NTRK3: variants seen among roughly 807,000 people sequenced by gnomAD.
NTRK3 encodes neurotrophic receptor tyrosine kinase 3.
A neutral mutation model predicts 91.7 loss-of-function variants in NTRK3; 24 were observed. The observed-to-expected ratio is 0.26, with a 90% CI of 0.19 to 0.37. The LOEUF (loss-of-function observed/expected upper bound fraction) is 0.37, where lower values mean the gene tolerates loss of function less well. NTRK3 is among the 10% of genes least tolerant of loss of function. The pLI is 1.00. For missense variants in NTRK3, 880 were observed against 1,068.9 expected, an observed-to-expected ratio of 0.82 and a Z score of 2.46; for synonymous variants, 483 against 404.0, an observed-to-expected ratio of 1.20 and a Z score of -2.34.
Position 88,093,308 on chromosome 15 carries a change from G to T in NTRK3, c.1396+32963C>A, listed in dbSNP as rs114489585. Among the ~76,000 whole-genome samples the T allele has an allele frequency of 2.0e-3, 301 of 152,218 alleles. 1 individual carries two copies. Among genetic ancestry groups the T allele is most frequent in the African/African-American group, 7.1e-3 (296 of 41,548 alleles). On this transcript the variant is annotated intron_variant, in intron 13 of 18. Coordinates refer to ENST00000394480, the Ensembl canonical transcript of NTRK3. ...CTGCAGGGAGTGGGAAAAAAAGGGAGGGGGGAAGGAAGAAAGGAAGGGATG... is the reference window on the plus strand; with the variant it reads ...CTGCAGGGAGTGGGAAAAAAAGGGATGGGGGAAGGAAGAAAGGAAGGGATG...
intron 14 of NTRK3, chr15:87,981,108 G>A (rs2074223535): frequency 6.7e-7 from 1 of 1,483,068 alleles, no homozygotes; most frequent in African/African-American, 1.4e-5. Context: ...TGGGCACCTA[G>A]TCGTACCTCA....
exon 14 of NTRK3, chr15:88,032,904 T>C (rs2142018759): frequency 1.9e-6 from 3 of 1,613,078 alleles, no homozygotes; most frequent in Non-Finnish European, 2.5e-6. Context: ...GTACTGGGGG[T>C]TCTCAATGAC....
intron 3 of NTRK3, among the ~76,000 whole-genome samples, chr15:88,201,871 G>A (rs1378669601): frequency 2.0e-5 from 3 of 152,126 alleles, no homozygotes; most frequent in Admixed American, 2.0e-4. Context: ...ATAAATGCTT[G>A]CATAGGGCAT....
At chr15:88,044,254 C>CTTTTTTTTTTTTTTTTTT (rs1181028004) in intron 13 of NTRK3, among the ~76,000 whole-genome samples, 1 of 78,486 alleles carries the variant, frequency 1.3e-5, no homozygotes. Flanking sequence ...AGTCTATGTT[C>CTTTTTTTTTTTTTTTTTT]TTTTTTTTTT....
At chr15:87,876,179 C>T in exon 19 of NTRK3, 1 of 233,572 alleles carries the variant, frequency 4.3e-6, no homozygotes, top group Non-Finnish European at 8.5e-6. Flanking sequence ...GAAGCTTACA[C>T]CCAGGATGGA....
intron 14 of NTRK3, among the ~76,000 whole-genome samples, chr15:87,953,166 C>T (rs2071318291): frequency 6.6e-6 from 1 of 152,162 alleles, no homozygotes; most frequent in South Asian, 2.1e-4. Flanking sequence ...GAACCTCTCC[C>T]ACCCTACAAT....
intron 13 of NTRK3, among the ~76,000 whole-genome samples, chr15:88,055,970 C>G (rs140956792): frequency 3.3e-5 from 5 of 151,992 alleles, no homozygotes; most frequent in Non-Finnish European, 7.4e-5. Context: ...AAGCCACTGG[C>G]AAAGAAAAGT....
Position 87,892,113 on chromosome 15 carries a change from C to CACACACACAT in NTRK3, c.2134-11686_2134-11685insATGTGTGTGT, listed in dbSNP as rs1555430907. Among the ~76,000 whole-genome samples the CACACACACAT allele has an allele frequency of 1.8e-3, 274 of 151,172 alleles. 2 individuals are homozygous for CACACACACAT. The highest frequency in any genetic ancestry group is 6.6e-3 in the African/African-American group (270 of 41,038). ...ACACACACACACACACACACACACA[C>CACACACACAT]GCACGCACACACCACTCTCCAAAAG... On this transcript the variant is annotated intron_variant, in intron 17 of 18. Transcript: ENST00000394480.
chr15:88,092,005 T>G (rs1187738146), intron 13 of NTRK3, among the ~76,000 whole-genome samples: 1 of 152,212 alleles, frequency 6.6e-6, no homozygotes, highest in Non-Finnish European at 1.5e-5. Flanking sequence ...ACAAATTACT[T>G]GCAACCCATC....
exon 19 of NTRK3, chr15:87,864,146 C>G (rs980242026): frequency 4.7e-5 from 11 of 232,624 alleles, no homozygotes; most frequent in Non-Finnish European, 8.5e-5. Flanking sequence ...TTTTCTTGCC[C>G]CAACTTGCTT....
chr15:87,958,284 AG>A (rs2071883695), intron 14 of NTRK3, among the ~76,000 whole-genome samples: 1 of 100,472 alleles, frequency 1.0e-5, no homozygotes, highest in Non-Finnish European at 2.1e-5. Flanking sequence ...TGATTTCAGG[AG>A]AAGAGTAAGA....
At chr15:87,878,940 T>G (rs890720223) in intron 18 of NTRK3, among the ~76,000 whole-genome samples, 1 of 151,640 alleles carries the variant, frequency 6.6e-6, no homozygotes, top group African/African-American at 2.4e-5. Context: ...TGTGTGTGTG[T>G]GTGTGTGTGT....
intron 13 of NTRK3, among the ~76,000 whole-genome samples, chr15:88,054,633 G>A (rs1254270246): frequency 3.3e-5 from 5 of 152,134 alleles, no homozygotes; most frequent in African/African-American, 7.2e-5. Flanking sequence ...TTTCTGCAAA[G>A]CACTTGGTAG....
chr15:87,906,064 A>T (rs1365837695), intron 17 of NTRK3, among the ~76,000 whole-genome samples: 1 of 152,142 alleles, frequency 6.6e-6, no homozygotes, highest in African/African-American at 2.4e-5. Context: ...TCTTACTTCC[A>T]CTTCCTGCCA....
At chr15:88,183,020 C>CA (rs2046641144) in intron 5 of NTRK3, among the ~76,000 whole-genome samples, 1 of 140,736 alleles carries the variant, frequency 7.1e-6, no homozygotes. Flanking sequence ...CAACCCCCCC[C>CA]CGCCCCCCGC....
chr15:88,027,628 C>T (rs906276105), intron 14 of NTRK3, among the ~76,000 whole-genome samples: 4 of 152,158 alleles, frequency 2.6e-5, no homozygotes, highest in Admixed American at 6.5e-5. Flanking sequence ...GTGATCCCCC[C>T]GCCTCGGCCT....
chr15:88,217,829 G>A (rs1598012657), intron 3 of NTRK3, among the ~76,000 whole-genome samples: 2 of 148,722 alleles, frequency 1.3e-5, no homozygotes, highest in Admixed American at 1.4e-4. Context: ...CACTATCTTG[G>A]CTCACTGCAA....
At chr15:87,962,905 T>C (rs535182732) in intron 14 of NTRK3, among the ~76,000 whole-genome samples, 1 of 152,284 alleles carries the variant, frequency 6.6e-6, no homozygotes, top group South Asian at 2.1e-4. Context: ...TTCTGGACTG[T>C]GCAGCTCAGA....
chr15:87,951,824 G>T (rs146299021), intron 14 of NTRK3, among the ~76,000 whole-genome samples: 17 of 152,304 alleles, frequency 1.1e-4, no homozygotes, highest in Admixed American at 1.1e-3. Flanking sequence ...AACCCTAAGG[G>T]TCTTTCTTCA....
Sources: gnomAD v4.1 joint callset for allele counts (sites outside exome capture counted in the v4.1 genomes callset) on GRCh38, gnomAD v4.1.1 for gene constraint, MANE v1.5 for transcripts, NCBI Gene and HGNC (gene_info 2026-07-23, HGNC 2026-07-21) for gene names.